Variants in PAX2 observed in about 807,000 individuals in gnomAD.
PAX2 encodes paired box 2.
PAX2 carries 9 observed loss-of-function variants against 41.7 expected under a neutral mutation model. That is an observed-to-expected ratio of 0.22 (90% CI 0.13 to 0.38). PAX2 has a LOEUF of 0.38. Among genes scored for constraint, PAX2 ranks in the 10% least tolerant of loss-of-function variants. The pLI, the probability that PAX2 is intolerant of heterozygous loss-of-function variation, is 1.00. For synonymous variants in PAX2, 221 were observed against 212.7 expected, an observed-to-expected ratio of 1.04 and a Z score of -0.34; for missense variants, 418 against 531.6, an observed-to-expected ratio of 0.79 and a Z score of 2.10.
chr10:100,758,465 C>T (rs1210241949), intron 3 of PAX2, among the ~76,000 whole-genome samples: 2 of 152,278 alleles, frequency 1.3e-5, no homozygotes, highest in Non-Finnish European at 2.9e-5. Flanking sequence ...ATTCTAGAAA[C>T]GTTCAGGTTT....
In PAX2 at chr10:100,809,123, C is replaced by G; in HGVS notation, c.806C>G (p.Ser269Cys). 1 of 1,613,212 alleles carries G rather than the reference C, an allele frequency of 6.2e-7. No homozygotes were observed. Among genetic ancestry groups the G allele is most frequent in the Non-Finnish European group, 8.5e-7 (1 of 1,179,300 alleles). The change falls in exon 7 of 10, where the codon TCC becomes TGC. Residue 269 changes from serine to cysteine, a missense_variant. Coordinates refer to ENST00000355243, the MANE Select transcript of PAX2 (RefSeq NM_000278.5). ...HIKSEQGNEYSLPALTPGLDE... is the reference protein window; with the variant it reads ...HIKSEQGNEYCLPALTPGLDE... ...CTCTCCTCCCAGGGGAACGAGTACT[C>G]CCTCCCAGCCCTGACCCCTGGGCTT...
chr10:100,798,104 CTTTTTTTTTTTT>C (rs11314855), intron 5 of PAX2, among the ~76,000 whole-genome samples: 1 of 86,536 alleles, frequency 1.2e-5, no homozygotes, highest in African/African-American at 4.3e-5. Context: ...ATGTCCACCT[CTTTTTTTTTTTT>C]TTTTTTTTTT....
At chr10:100,783,739 A>C (rs1395272002) in intron 5 of PAX2, among the ~76,000 whole-genome samples, 4 of 147,044 alleles carry the variant, frequency 2.7e-5, no homozygotes, top group Non-Finnish European at 4.4e-5. Flanking sequence ...TGGGAAGCTC[A>C]TGCTCCAGCA....
At chr10:100,760,466 G>T (rs939045867) in intron 3 of PAX2, among the ~76,000 whole-genome samples, 6 of 152,202 alleles carry the variant, frequency 3.9e-5, no homozygotes, top group African/African-American at 1.4e-4. Context: ...TAGTCTGTGT[G>T]CATGCACAAG....
chr10:100,783,724 G>A (rs915503468), intron 5 of PAX2, among the ~76,000 whole-genome samples: 4 of 148,234 alleles, frequency 2.7e-5, no homozygotes, highest in African/African-American at 1.0e-4. Flanking sequence ...GAGCAGGGCT[G>A]GGTTTGGGAA....
chr10:100,802,704 C>G (rs1222366839), intron 5 of PAX2, among the ~76,000 whole-genome samples: 1 of 152,146 alleles, frequency 6.6e-6, no homozygotes, highest in African/African-American at 2.4e-5. Context: ...TAGTCACGGT[C>G]CCTGCCACAA....
At position 100,746,306 on chromosome 10, in the gene PAX2, G is replaced by A. The variant is rs773518976; in HGVS notation, c.43+3G>A. ...AGACCCCTTCTCCGCGATGCACCGT[G>A]AGTACCGGCGCCCGGCTCCTGTCCC... On this transcript the variant is annotated splice_donor_region_variant and intron_variant, in intron 1 of 9. Coordinates refer to ENST00000355243, the MANE Select transcript of PAX2 (RefSeq NM_000278.5). 1 of 1,592,648 alleles carries A rather than the reference G, an allele frequency of 6.3e-7. No individual in the cohort carries two copies. The highest frequency in any genetic ancestry group is 8.6e-7 in the Non-Finnish European group (1 of 1,160,726).
chr10:100,752,992 G>A (rs750450425), intron 3 of PAX2, among the ~76,000 whole-genome samples: 10 of 152,156 alleles, frequency 6.6e-5, no homozygotes, highest in Non-Finnish European at 1.2e-4. Context: ...GCCTCAGCTT[G>A]ACAGCTGTGA....
chr10:100,824,992 A>C lies in PAX2; in HGVS notation c.1021+243A>C. On this transcript the variant is annotated intron_variant, in intron 8 of 9. Coordinates refer to ENST00000355243, the MANE Select transcript of PAX2 (RefSeq NM_000278.5). The surrounding 1 kb of genome is among the most constrained non-coding windows in gnomAD (Gnocchi z 6.6). ...CCTTGTGTGCAACCCACTGTATGTC[A>C]TGGCCCCTCCACAGCGCCCACCCAC... 6.2e-7 allele frequency: 1 copy of C among 1,612,068 alleles called. No homozygotes were observed. The highest frequency in any genetic ancestry group is 8.5e-7 in the Non-Finnish European group (1 of 1,178,258).
At chr10:100,777,841 C>A (rs892772868) in intron 3 of PAX2, among the ~76,000 whole-genome samples, 1 of 152,216 alleles carries the variant, frequency 6.6e-6, no homozygotes, top group Non-Finnish European at 1.5e-5. Flanking sequence ...AATATTGGCA[C>A]ATAGTAGATG....
rs934798778 is a variant in PAX2, at chr10:100,822,232, G to A, written c.920-2416G>A. ...CTATATTAGACAGGTATAGAGGAAA[G>A]TCATTCTATTGCATAATAAAGTCAC... On this transcript the variant is annotated intron_variant, in intron 7 of 9. Transcript: ENST00000355243. 7.9e-5 allele frequency among the ~76,000 whole-genome samples: 12 copies of A among 152,226 alleles called. No homozygotes were observed. The South Asian group carries it at 1.2e-3, about 16-fold the overall frequency.
chr10:100,748,505 G>T lies in PAX2; in HGVS notation c.44-1241G>T. On this transcript the variant is annotated intron_variant, in intron 1 of 9. Transcript: ENST00000355243. The surrounding 1 kb of genome is among the most constrained non-coding windows in gnomAD (Gnocchi z 5.0). ...TCCGAAACTCGCGTGAGGCTAGCGG[G>T]GCAGGGGCTGCAGCTTGCCAGTCCG... The T allele has an allele frequency of 1.0e-6, 1 of 985,266 alleles. No individual in the cohort carries two copies. Among genetic ancestry groups the T allele is most frequent in the Non-Finnish European group, 1.2e-6 (1 of 829,886 alleles). 61.0% of individuals were successfully genotyped at this position (985,266 alleles called of 1,614,324 possible).
At chr10:100,753,231 G>T (rs1428114723) in intron 3 of PAX2, among the ~76,000 whole-genome samples, 12 of 152,180 alleles carry the variant, frequency 7.9e-5, no homozygotes, top group Admixed American at 7.9e-4. Context: ...TCCCAATTTT[G>T]CTTTTGTCCA....
intron 3 of PAX2, among the ~76,000 whole-genome samples, chr10:100,762,180 A>G (rs1388505871): frequency 6.6e-6 from 1 of 150,814 alleles, no homozygotes; most frequent in African/African-American, 2.5e-5. Context: ...ACTAGGCAAC[A>G]GAGTGAGGCC....
intron 5 of PAX2, among the ~76,000 whole-genome samples, chr10:100,787,645 C>T (rs908628948): frequency 1.3e-5 from 2 of 152,044 alleles, no homozygotes; most frequent in African/African-American, 4.8e-5. Context: ...CGGTATCAGC[C>T]TCACTTTAAC....
chr10:100,803,471 CTTGAGAGCCTA>C (rs908200834), intron 5 of PAX2, among the ~76,000 whole-genome samples: 2 of 152,058 alleles, frequency 1.3e-5, no homozygotes, highest in Non-Finnish European at 2.9e-5. Context: ...GGAAAGAGCC[CTTGAGAGCCTA>C]TGGTACGTGT....
chr10:100,806,317 T>C, intron 5 of PAX2, 113 bp from the exon 6 acceptor site: 1 of 1,085,666 alleles, frequency 9.2e-7, no homozygotes. Flanking sequence ...AGGGGTCCCA[T>C]AGGGGTGCAG....
At chr10:100,773,929 C>T (rs1321377919) in intron 3 of PAX2, among the ~76,000 whole-genome samples, 5 of 152,210 alleles carry the variant, frequency 3.3e-5, no homozygotes, top group Non-Finnish European at 7.3e-5. Context: ...CCTCCTGCTT[C>T]CCCCAGCTCC....
Position 100,745,844 on chromosome 10 carries a change from GC to G in PAX2, c.-412del. 2 of 1,042,368 alleles carry G rather than the reference GC, an allele frequency of 1.9e-6. No homozygotes were observed. Among genetic ancestry groups the G allele is most frequent in the Non-Finnish European group, 2.3e-6 (2 of 864,892 alleles). The allele number at this position is 1,042,368 out of a possible 1,614,324, so 64.6% of individuals were successfully genotyped here. ...GCTCCCCTCCCGGCGCCCTCTGACCGCCCCCGCCCCGCGCGCTCTCCGACCA... is the reference window on the plus strand; with the variant it reads ...GCTCCCCTCCCGGCGCCCTCTGACCGCCCCGCCCCGCGCGCTCTCCGACCA... On this transcript the variant is annotated 5_prime_UTR_variant, in exon 1 of 10. Transcript: ENST00000355243.
Sources: allele counts gnomAD v4.1 joint callset (sites outside exome capture counted in the v4.1 genomes callset), GRCh38; gene constraint gnomAD v4.1.1; non-coding constraint Gnocchi (gnomAD v3.1); transcripts MANE v1.5; gene names NCBI Gene and HGNC (gene_info 2026-07-23, HGNC 2026-07-21).